Variants in LAMC1 observed in about 807,000 individuals in gnomAD.
LAMC1 encodes the protein laminin subunit gamma-1.
Under a neutral mutation model 173.6 loss-of-function variants are expected in LAMC1, and 38 were observed. That is an observed-to-expected ratio of 0.22 (90% CI 0.17 to 0.29). LAMC1 has a LOEUF of 0.29. Ranked by LOEUF, LAMC1 falls within the 10% of genes least tolerant of loss-of-function variation. The pLI is 1.00. For missense variants in LAMC1, 1,824 were observed against 2,051.8 expected, an observed-to-expected ratio of 0.89 and a Z score of 2.14; for synonymous variants, 746 against 749.1, an observed-to-expected ratio of 1.00 and a Z score of 0.07.
intron 1 of LAMC1, among the ~76,000 whole-genome samples, chr1:183,064,500 G>GAA (rs2102034725): frequency 6.6e-6 from 1 of 152,188 alleles, no homozygotes; most frequent in African/African-American, 2.4e-5. Context: ...ACTAAACTTT[G>GAA]AAATAAGCAT....
intron 26 of LAMC1, chr1:183,138,251 C>G (rs1314036364): frequency 1.1e-6 from 1 of 930,624 alleles, no homozygotes; most frequent in Non-Finnish European, 1.3e-6. Flanking sequence ...GCATTGTCTA[C>G]CACCCCACCA....
chr1:183,074,587 T>G (rs1655083260), intron 1 of LAMC1, among the ~76,000 whole-genome samples: 2 of 152,228 alleles, frequency 1.3e-5, no homozygotes, highest in South Asian at 4.1e-4. Flanking sequence ...ACAGTAATAT[T>G]GAGCCTGAGT....
chr1:183,091,563 C>G, intron 1 of LAMC1, among the ~76,000 whole-genome samples: 1 of 152,066 alleles, frequency 6.6e-6, no homozygotes, highest in Admixed American at 6.6e-5. Flanking sequence ...TTAAGCCCCC[C>G]TTTTAATGTA....
At position 183,118,142 on chromosome 1, in the gene LAMC1, G is replaced by C; in HGVS notation, c.1986G>C (p.Glu662Asp). The change falls in exon 11 of 28, where the codon GAG becomes GAC. Residue 662 changes from glutamate to aspartate, a missense_variant. Coordinates refer to ENST00000258341, the MANE Select transcript of LAMC1 (RefSeq NM_002293.4). ...TCAAGATACGTGGGACATACAGTGAGAGAAGTAAGTTATGATATAATTTAG... is the reference window on the plus strand; with the variant it reads ...TCAAGATACGTGGGACATACAGTGACAGAAGTAAGTTATGATATAATTTAG... ...TSIKIRGTYSERSAGYLDDVT... is the reference protein window; with the variant it reads ...TSIKIRGTYSDRSAGYLDDVT... 1 of 1,529,144 alleles carries C rather than the reference G, an allele frequency of 6.5e-7. No individual in the cohort carries two copies. Among genetic ancestry groups the C allele is most frequent in the Non-Finnish European group, 9.1e-7 (1 of 1,104,488 alleles). 94.7% of individuals were successfully genotyped at this position (1,529,144 alleles called of 1,614,324 possible).
intron 27 of LAMC1, among the ~76,000 whole-genome samples, chr1:183,141,453 A>G (rs775603899): frequency 3.3e-5 from 5 of 152,390 alleles, no homozygotes; most frequent in Non-Finnish European, 7.3e-5. Context: ...AAGGAAATCT[A>G]TGCATACGGA....
At chr1:183,024,885 T>A (rs566873397) in intron 1 of LAMC1, among the ~76,000 whole-genome samples, 1 of 152,350 alleles carries the variant, frequency 6.6e-6, no homozygotes, top group Admixed American at 6.5e-5. Flanking sequence ...AAGTGATGTT[T>A]CAGAAATCAG....
chr1:183,101,961 C>T (rs188963505), intron 1 of LAMC1, among the ~76,000 whole-genome samples: 1 of 152,262 alleles, frequency 6.6e-6, no homozygotes, highest in Admixed American at 6.5e-5. Flanking sequence ...ACACATAGCT[C>T]GCATGGGCTT....
At chr1:183,034,144 C>G (rs1488945016) in intron 1 of LAMC1, among the ~76,000 whole-genome samples, 1 of 152,180 alleles carries the variant, frequency 6.6e-6, no homozygotes, top group Non-Finnish European at 1.5e-5. Flanking sequence ...ATGGTTCACT[C>G]AGACATTATA....
At chr1:183,128,516 C>A in intron 17 of LAMC1, 78 bp from the exon 18 acceptor site, 1 of 1,228,576 alleles carries the variant, frequency 8.1e-7, no homozygotes, top group Non-Finnish European at 1.1e-6. Context: ...GCCCATGATT[C>A]CTGCAGGAAG....
At chr1:183,055,200 G>A (rs1654553699) in intron 1 of LAMC1, among the ~76,000 whole-genome samples, 1 of 151,530 alleles carries the variant, frequency 6.6e-6, no homozygotes, top group Admixed American at 6.6e-5. Context: ...ATGTTGGCCA[G>A]GCTGGTCTCG....
chr1:183,079,232 G>GTTTTTTTTTTTTTTTTT (rs796732672), intron 1 of LAMC1, among the ~76,000 whole-genome samples: 2 of 62,786 alleles, frequency 3.2e-5, no homozygotes, highest in African/African-American at 1.1e-4. Flanking sequence ...CTCTAATCTG[G>GTTTTTTTTTTTTTTTTT]TTTTTTTTTT....
At chr1:183,078,721 A>G (rs1655183737) in intron 1 of LAMC1, among the ~76,000 whole-genome samples, 1 of 151,776 alleles carries the variant, frequency 6.6e-6, no homozygotes, top group South Asian at 2.1e-4. Context: ...ACATATAAAG[A>G]ATATTGAGTC....
At chr1:183,100,496 C>A (rs114040860) in intron 1 of LAMC1, among the ~76,000 whole-genome samples, 73 of 152,260 alleles carry the variant, frequency 4.8e-4, no homozygotes, top group African/African-American at 1.5e-3. Context: ...GTGATCACTC[C>A]TCTGTGTTCT....
At chr1:183,118,922 G>A (rs1239023288) in intron 11 of LAMC1, among the ~76,000 whole-genome samples, 1 of 150,822 alleles carries the variant, frequency 6.6e-6, no homozygotes, top group African/African-American at 2.4e-5. Flanking sequence ...TTTTTGAGAC[G>A]GAGTCTTGCT....
chr1:183,036,916 C>T (rs978878636), intron 1 of LAMC1, among the ~76,000 whole-genome samples: 1 of 152,172 alleles, frequency 6.6e-6, no homozygotes, highest in Admixed American at 6.5e-5. Context: ...GCTGGAATTA[C>T]AGGCACCCAC....
At chr1:183,087,848 T>A (rs1169232309) in intron 1 of LAMC1, among the ~76,000 whole-genome samples, 1 of 151,826 alleles carries the variant, frequency 6.6e-6, no homozygotes, top group Non-Finnish European at 1.5e-5. Context: ...AGTTTTGCTC[T>A]TGTTGCCCAG....
chr1:183,085,937 A>T (rs114428103), intron 1 of LAMC1, among the ~76,000 whole-genome samples: 1,656 of 152,182 alleles, frequency 0.011, 27 homozygotes, highest in South Asian at 0.078. Context: ...TTTTTCACTT[A>T]TCACTGGACA....
chr1:183,116,844 C>T lies in LAMC1; in HGVS notation c.1505C>T (p.Ser502Phe). Residue 502 changes from serine (S) to phenylalanine (F), a missense_variant, in exon 8 of 28, where the codon TCT (serine) becomes TTT (phenylalanine). Ser to Phe is a radical substitution (Grantham distance 155, BLOSUM62 -2). Coordinates refer to ENST00000258341, the MANE Select transcript of LAMC1 (RefSeq NM_002293.4). The stretch of plus-strand genomic sequence containing the variant: ...CCCTGCTTCTGCTTTGGGCATTCTT[C>T]TGTCTGTACAAACGCTGTTGGCTAC... The part of the protein sequence containing the change: ...CTPCFCFGHS[S>F]VCTNAVGYSV... 6.2e-7 allele frequency: 1 copy of T among 1,614,074 alleles called. No individual in the cohort carries two copies. The highest frequency in any genetic ancestry group is 1.6e-4 in the Middle Eastern group (1 of 6,062).
intron 27 of LAMC1, chr1:183,140,992 G>T (rs960098111): frequency 1.3e-5 from 2 of 152,218 alleles, no homozygotes; most frequent in South Asian, 4.1e-4. Flanking sequence ...TAAAGTAAAG[G>T]ATTTCAATAG....
Sources: gnomAD v4.1 joint callset for allele counts (sites outside exome capture counted in the v4.1 genomes callset) on GRCh38, gnomAD v4.1.1 for gene constraint, MANE v1.5 for transcripts, NCBI Gene and HGNC (gene_info 2026-07-23, HGNC 2026-07-21) for gene names.